TRERF1: variants seen among roughly 807,000 people sequenced by gnomAD.
TRERF1 encodes the protein transcriptional-regulating factor 1.
TRERF1 carries 27 observed loss-of-function variants against 122.9 expected under a neutral mutation model. The observed-to-expected ratio is 0.22, with a 90% CI of 0.16 to 0.30. The LOEUF is 0.30. TRERF1 is among the 10% of genes least tolerant of loss of function. The pLI is 1.00. For missense variants in TRERF1, 1,248 were observed against 1,560.3 expected (o/e 0.80, Z 3.37); for synonymous variants, 636 against 641.7 (o/e 0.99, Z 0.13).
At chr6:42,307,222 C>G (rs1787420971) in intron 3 of TRERF1, among the ~76,000 whole-genome samples, 2 of 152,008 alleles carry the variant, frequency 1.3e-5, no homozygotes, top group Non-Finnish European at 2.9e-5. Flanking sequence ...GAGGAAATTC[C>G]AGAAGAAGAA....
At chr6:42,277,575 G>C (rs1012927318) in intron 4 of TRERF1, among the ~76,000 whole-genome samples, 3 of 152,176 alleles carry the variant, frequency 2.0e-5, no homozygotes, top group East Asian at 3.9e-4. Flanking sequence ...AAAAAGCTGA[G>C]AGTGGTGGCT....
At chr6:42,417,926 C>T (rs1782083545) in intron 2 of TRERF1, among the ~76,000 whole-genome samples, 1 of 152,218 alleles carries the variant, frequency 6.6e-6, no homozygotes, top group East Asian at 1.9e-4. Flanking sequence ...ACAATGAACA[C>T]ACACACATAC....
intron 3 of TRERF1, among the ~76,000 whole-genome samples, chr6:42,340,508 C>A (rs1767063663): frequency 6.6e-6 from 1 of 152,126 alleles, no homozygotes. Context: ...CCCGTATTAG[C>A]TTTGTTTCTT....
At chr6:42,427,641 C>T (rs1783837488) in intron 2 of TRERF1, among the ~76,000 whole-genome samples, 1 of 151,720 alleles carries the variant, frequency 6.6e-6, no homozygotes, top group African/African-American at 2.4e-5. Context: ...CCTCCACCTG[C>T]CAGGCTCAAG....
intron 3 of TRERF1, among the ~76,000 whole-genome samples, chr6:42,329,403 G>A (rs1028470140): frequency 3.3e-5 from 5 of 152,148 alleles, no homozygotes; most frequent in African/African-American, 4.8e-5. Context: ...GTCTTGGAAC[G>A]CTCCAGCCAG....
intron 4 of TRERF1, among the ~76,000 whole-genome samples, chr6:42,286,521 G>T (rs1783249673): frequency 7.0e-6 from 1 of 143,030 alleles, no homozygotes; most frequent in Non-Finnish European, 1.5e-5. Flanking sequence ...CATTTATGCA[G>T]CCAAAAAACA....
At chr6:42,287,236 C>T (rs1783415868) in intron 4 of TRERF1, among the ~76,000 whole-genome samples, 1 of 145,180 alleles carries the variant, frequency 6.9e-6, no homozygotes. Flanking sequence ...GGCACATGTA[C>T]ACATATGTAA....
At chr6:42,361,423 T>C (rs2150951075) in intron 3 of TRERF1, among the ~76,000 whole-genome samples, 1 of 152,282 alleles carries the variant, frequency 6.6e-6, no homozygotes, top group Non-Finnish European at 1.5e-5. Context: ...TGTTGTTTTT[T>C]GGGTTTTTTT....
chr6:42,309,841 CAG>C (rs1375721669), intron 3 of TRERF1, among the ~76,000 whole-genome samples: 1 of 151,976 alleles, frequency 6.6e-6, no homozygotes, highest in African/African-American at 2.4e-5. Context: ...GGCTGGAGTG[CAG>C]TGGCATGATC....
chr6:42,333,824 G>A (rs1765651634), intron 3 of TRERF1, among the ~76,000 whole-genome samples: 1 of 152,172 alleles, frequency 6.6e-6, no homozygotes, highest in African/African-American at 2.4e-5. Context: ...CGGATACAAA[G>A]ACACTGAGGC....
At chr6:42,296,356 G>C (rs1255769451) in intron 4 of TRERF1, among the ~76,000 whole-genome samples, 1 of 152,088 alleles carries the variant, frequency 6.6e-6, no homozygotes. Context: ...TTATAAACTG[G>C]CTTTGTCAAT....
intron 4 of TRERF1, among the ~76,000 whole-genome samples, chr6:42,272,045 AAC>A (rs1780308656): frequency 6.6e-6 from 1 of 152,236 alleles, no homozygotes; most frequent in African/African-American, 2.4e-5. Flanking sequence ...ATAAATTTAA[AAC>A]AGTGATGTAA....
At chr6:42,434,069 CA>C (rs1163613210) in intron 2 of TRERF1, among the ~76,000 whole-genome samples, 3 of 151,646 alleles carry the variant, frequency 2.0e-5, no homozygotes, top group African/African-American at 7.3e-5. Context: ...TGCTTGACAA[CA>C]AAAAGGAATA....
At chr6:42,352,138 G>C (rs1219008453) in intron 3 of TRERF1, among the ~76,000 whole-genome samples, 1 of 152,080 alleles carries the variant, frequency 6.6e-6, no homozygotes, top group Non-Finnish European at 1.5e-5. Context: ...CTGGGTAGCT[G>C]GGACCACAGG....
intron 3 of TRERF1, among the ~76,000 whole-genome samples, chr6:42,357,328 C>CAAAAAAAAAAAAAAAAAA (rs35651008): frequency 1.6e-5 from 1 of 61,156 alleles, no homozygotes; most frequent in Non-Finnish European, 3.6e-5. Flanking sequence ...GACTCTGTCT[C>CAAAAAAAAAAAAAAAAAA]AAAAAAAAAA....
intron 3 of TRERF1, among the ~76,000 whole-genome samples, chr6:42,332,299 C>G (rs1765381065): frequency 6.6e-6 from 1 of 152,258 alleles, no homozygotes; most frequent in Non-Finnish European, 1.5e-5. Flanking sequence ...CTGAGAGAGA[C>G]AAGGTGAGGT....
intron 12 of TRERF1, among the ~76,000 whole-genome samples, chr6:42,255,872 T>C (rs1776653563): frequency 6.6e-6 from 1 of 152,140 alleles, no homozygotes; most frequent in South Asian, 2.1e-4. Context: ...GGTCCATGCC[T>C]GTAATCCCAG....
At chr6:42,322,871 T>A (rs1336277715) in intron 3 of TRERF1, among the ~76,000 whole-genome samples, 1 of 151,916 alleles carries the variant, frequency 6.6e-6, no homozygotes, top group African/African-American at 2.4e-5. Flanking sequence ...TACTGGTGCC[T>A]CCTACTGGCC....
chr6:42,297,672 G>T (rs1785343681), intron 4 of TRERF1, among the ~76,000 whole-genome samples: 1 of 152,068 alleles, frequency 6.6e-6, no homozygotes, highest in African/African-American at 2.4e-5. Flanking sequence ...ATATTACTTG[G>T]GTAGCCAGAA....
Sources: allele counts gnomAD v4.1 joint callset (sites outside exome capture counted in the v4.1 genomes callset), GRCh38; gene constraint gnomAD v4.1.1; transcripts MANE v1.5; gene names NCBI Gene and HGNC (gene_info 2026-07-23, HGNC 2026-07-21).